INTS6: variants seen among roughly 807,000 people sequenced by gnomAD.
The protein encoded by INTS6 is DEAD box protein.
INTS6 carries 16 observed loss-of-function variants against 104.9 expected under a neutral mutation model. The ratio of observed to expected loss-of-function variants is 0.15; its 90% CI spans 0.10 to 0.23. The LOEUF (loss-of-function observed/expected upper bound fraction) is 0.23, where lower values mean the gene tolerates loss of function less well. Among genes scored for constraint, INTS6 ranks in the 10% least tolerant of loss-of-function variants. The probability of loss-of-function intolerance (pLI) is 1.00; values close to 1 mark genes in which losing one functional copy is unlikely to be tolerated. For missense variants in INTS6, 584 were observed against 1,062.8 expected, an observed-to-expected ratio of 0.55 and a Z score of 6.26; for synonymous variants, 324 against 358.7, an observed-to-expected ratio of 0.90 and a Z score of 1.09.
intron 4 of INTS6, among the ~76,000 whole-genome samples, chr13:51,398,117 T>C (rs765460697): frequency 7.9e-5 from 12 of 152,112 alleles, no homozygotes; most frequent in Non-Finnish European, 1.6e-4. Flanking sequence ...AAATCCGCTA[T>C]AGTTTAAATG....
intron 4 of INTS6, among the ~76,000 whole-genome samples, chr13:51,410,366 G>A (rs1003958334): frequency 2.6e-5 from 4 of 152,110 alleles, no homozygotes; most frequent in African/African-American, 7.2e-5. Context: ...TTGTATTGCC[G>A]AAGACACAGG....
intron 5 of INTS6, among the ~76,000 whole-genome samples, chr13:51,394,583 T>G (rs1351135332): frequency 2.0e-5 from 3 of 152,146 alleles, no homozygotes; most frequent in African/African-American, 7.2e-5. Flanking sequence ...GAATTTGATA[T>G]TAAAATTATT....
downstream of INTS6, among the ~76,000 whole-genome samples, chr13:51,353,787 T>C (rs1241977714): frequency 6.6e-6 from 1 of 152,250 alleles, no homozygotes; most frequent in Non-Finnish European, 1.5e-5. Context: ...TGAAGACCTT[T>C]GATATTAAAT....
At chr13:51,389,247 G>A (rs1371498024) in intron 6 of INTS6, 72 bp downstream of exon 6, 3 of 1,524,076 alleles carry the variant, frequency 2.0e-6, no homozygotes, top group African/African-American at 2.8e-5. Context: ...CCAAATCACA[G>A]TAAGTTTTCA....
chr13:51,413,884 A>G (rs1244444598), intron 4 of INTS6, among the ~76,000 whole-genome samples: 1 of 152,208 alleles, frequency 6.6e-6, no homozygotes, highest in Non-Finnish European at 1.5e-5. Flanking sequence ...GAAGCTTTCA[A>G]GCTTACTTTA....
At chr13:51,425,605 G>A (rs555272342) in intron 4 of INTS6, among the ~76,000 whole-genome samples, 1 of 152,066 alleles carries the variant, frequency 6.6e-6, no homozygotes, top group Non-Finnish European at 1.5e-5. Flanking sequence ...CACTAAGAAA[G>A]TACTGGCAGG....
At chr13:51,354,906 C>A in intron 3 of INTS6, 1 of 620,336 alleles carries the variant, frequency 1.6e-6, no homozygotes, top group South Asian at 2.0e-5. Context: ...GGGAAGGCGC[C>A]ATGGAAGATG....
intron 4 of INTS6, among the ~76,000 whole-genome samples, chr13:51,426,685 C>G (rs1956991205): frequency 6.6e-6 from 1 of 152,038 alleles, no homozygotes; most frequent in Non-Finnish European, 1.5e-5. Flanking sequence ...TTGTTATCCT[C>G]ATTGCCTAGA....
chr13:51,418,683 T>C (rs537296996), intron 4 of INTS6, among the ~76,000 whole-genome samples: 1 of 152,336 alleles, frequency 6.6e-6, no homozygotes, highest in South Asian at 2.1e-4. Flanking sequence ...TCAAAACTTT[T>C]TTTTAGCTTC....
chr13:51,405,742 A>G (rs1351697916), intron 4 of INTS6, among the ~76,000 whole-genome samples: 1 of 152,222 alleles, frequency 6.6e-6, no homozygotes, highest in Non-Finnish European at 1.5e-5. Flanking sequence ...CACAGAGATG[A>G]GAAGCAAGGT....
intron 3 of INTS6, chr13:51,440,877 C>T (rs774614932): frequency 2.0e-5 from 3 of 152,102 alleles, no homozygotes; most frequent in Admixed American, 6.5e-5. Context: ...CATTGTTAAG[C>T]GATACATAAC....
chr13:51,382,872 T>C (rs1214029004), intron 9 of INTS6, among the ~76,000 whole-genome samples: 2 of 151,870 alleles, frequency 1.3e-5, no homozygotes, highest in Non-Finnish European at 2.9e-5. Flanking sequence ...AGATCAGGAG[T>C]TCAAGACCAG....
intron 4 of INTS6, among the ~76,000 whole-genome samples, chr13:51,414,743 C>G (rs1956752626): frequency 6.6e-6 from 1 of 151,738 alleles, no homozygotes. Context: ...ACATAACAGA[C>G]AATAACAAGA....
chr13:51,424,289 G>A (rs1956948264), intron 4 of INTS6, among the ~76,000 whole-genome samples: 1 of 151,912 alleles, frequency 6.6e-6, no homozygotes, highest in South Asian at 2.1e-4. Context: ...AGCTTTGTTA[G>A]AATGATCAAC....
In INTS6 at chr13:51,378,305, G is replaced by A. The variant is rs1955974694; in HGVS notation, c.1536C>T (p.Val512=). Residue 512 remains valine, a synonymous_variant, in exon 12 of 18, where the codon GTC becomes GTT. Transcript: ENST00000311234. ...QQLLQGISED[V]PHRLLDLNMK... is the part of the protein sequence containing the mutation. ...TATTAAGGTCTAGCAGTCTGTGAGG[G>A]ACATCCTCTGAAATTCCCTGGAGGA... 2 of 1,613,424 alleles carry A rather than the reference G, an allele frequency of 1.2e-6. No individual in the cohort carries two copies. The highest frequency in any genetic ancestry group is 1.7e-6 in the Non-Finnish European group (2 of 1,179,468).
At chr13:51,384,481 T>C (rs1400844688) in intron 7 of INTS6, 2 of 357,014 alleles carry the variant, frequency 5.6e-6, no homozygotes, top group Admixed American at 3.7e-5. Context: ...CCTCAGTTAC[T>C]GCTTATACCC....
At chr13:51,419,423 T>G (rs1956855566) in intron 4 of INTS6, among the ~76,000 whole-genome samples, 1 of 152,146 alleles carries the variant, frequency 6.6e-6, no homozygotes, top group Non-Finnish European at 1.5e-5. Flanking sequence ...CTGCTGCTGT[T>G]TTTCTTGAAC....
At chr13:51,413,920 C>T (rs1014379987) in intron 4 of INTS6, among the ~76,000 whole-genome samples, 9 of 152,128 alleles carry the variant, frequency 5.9e-5, no homozygotes, top group Non-Finnish European at 1.0e-4. Flanking sequence ...CTGATAACTG[C>T]CCGTCCACAT....
rs1020489732 is a variant in INTS6 at position 51,365,003 on chromosome 13, A to C, written c.*749T>G. 3.3e-5 allele frequency: 5 copies of C among 152,540 alleles called. No individual in the cohort carries two copies. The highest frequency in any genetic ancestry group is 7.4e-5 in the Non-Finnish European group (5 of 67,986). The allele number at this position is 152,540 out of a possible 1,614,324, so 9.4% of individuals were successfully genotyped here. ...CCATACAAAGTCATTCCCATAATCT[A>C]GGCAGAAATGGGAGTATGTTGGCAT... On this transcript the variant is annotated 3_prime_UTR_variant, in exon 18 of 18. Transcript: ENST00000311234.
Sources: allele counts gnomAD v4.1 joint callset (sites outside exome capture counted in the v4.1 genomes callset), GRCh38; gene constraint gnomAD v4.1.1; transcripts MANE v1.5; gene names NCBI Gene and HGNC (gene_info 2026-07-23, HGNC 2026-07-21).